The following NEO1 variants were observed in gnomAD, a reference collection of about 807,000 sequenced individuals.
The protein encoded by NEO1 is neogenin.
Under a neutral mutation model 159.7 loss-of-function variants are expected in NEO1, and 63 were observed. The observed-to-expected ratio is 0.39, with a 90% confidence interval of 0.32 to 0.49. The LOEUF (loss-of-function observed/expected upper bound fraction) is 0.49. NEO1 is among the 20% of genes least tolerant of loss of function. The probability of loss-of-function intolerance (pLI) is 0.85; values close to 1 mark genes in which losing one functional copy is unlikely to be tolerated. For synonymous variants in NEO1, 633 were observed against 662.0 expected (o/e 0.96, Z 0.67); for missense variants, 1,615 against 1,831.0 (o/e 0.88, Z 2.15).
intron 7 of NEO1, among the ~76,000 whole-genome samples, chr15:73,218,508 T>C (rs1227772398): frequency 3.9e-5 from 6 of 152,002 alleles, no homozygotes; most frequent in Non-Finnish European, 7.4e-5. Context: ...ATGGTACCAG[T>C]TCCTCCTTGT....
At position 73,270,457 on chromosome 15, in the gene NEO1, A is replaced by G. The variant is rs763720836; in HGVS notation, c.2857+3A>G. On this transcript the variant is annotated splice_donor_region_variant and intron_variant, in intron 18 of 28. Coordinates refer to ENST00000261908, the MANE Select transcript of NEO1 (RefSeq NM_002499.4). The stretch of plus-strand genomic sequence containing the variant: ...CCATGGGACCACCTTTGAATTAGGT[A>G]TGTGTTGTCAGAAGCCATGTCACAT... 4 of 1,607,084 alleles carry G rather than the reference A, an allele frequency of 2.5e-6. No individual in the cohort carries two copies. The highest frequency in any genetic ancestry group is 1.7e-4 in the Middle Eastern group (1 of 6,036).
chr15:73,258,721 T>C, intron 13 of NEO1, 45 bp from the exon 14 acceptor site: 1 of 1,518,118 alleles, frequency 6.6e-7, no homozygotes, highest in Non-Finnish European at 9.1e-7. Context: ...CTTTTGTTTT[T>C]CCAAAGCTCT....
intron 7 of NEO1, among the ~76,000 whole-genome samples, chr15:73,201,465 A>G (rs994574761): frequency 6.6e-6 from 1 of 152,124 alleles, no homozygotes; most frequent in African/African-American, 2.4e-5. Flanking sequence ...GCGTTAAAGT[A>G]TATTTTATGT....
At chr15:73,135,863 C>CTT (rs376822156) in intron 4 of NEO1, 28 bp from the exon 5 acceptor site, 791 of 1,292,676 alleles carry the variant, frequency 6.1e-4, no homozygotes, top group South Asian at 2.3e-3. Context: ...TGAAATGTAT[C>CTT]TTTTTTTTTT....
chr15:73,211,589 C>T (rs1388794265), intron 7 of NEO1, among the ~76,000 whole-genome samples: 2 of 152,168 alleles, frequency 1.3e-5, no homozygotes, highest in Non-Finnish European at 2.9e-5. Context: ...GTGGCACATG[C>T]GTGTATTCCC....
At chr15:73,076,844 T>A (rs1007692597) in intron 1 of NEO1, among the ~76,000 whole-genome samples, 2 of 152,206 alleles carry the variant, frequency 1.3e-5, no homozygotes, top group Admixed American at 1.3e-4. Flanking sequence ...TTCAAGGATT[T>A]AGAAGGATCA....
At chr15:73,215,712 A>G (rs1256552747) in intron 7 of NEO1, among the ~76,000 whole-genome samples, 1 of 152,186 alleles carries the variant, frequency 6.6e-6, no homozygotes, top group Non-Finnish European at 1.5e-5. Flanking sequence ...TTTAGCATCT[A>G]TGCTAATCAA....
intron 13 of NEO1, among the ~76,000 whole-genome samples, chr15:73,257,970 G>A (rs1307168334): frequency 6.6e-6 from 1 of 152,178 alleles, no homozygotes; most frequent in Non-Finnish European, 1.5e-5. Context: ...GGGGCACACA[G>A]ATGTCAGGAT....
At chr15:73,114,267 G>GAGCT (rs1196973857) in intron 1 of NEO1, among the ~76,000 whole-genome samples, 1 of 152,124 alleles carries the variant, frequency 6.6e-6, no homozygotes, top group Non-Finnish European at 1.5e-5. Context: ...CAATGCAGGG[G>GAGCT]AGCTGGAAAT....
rs946432484 is a variant in NEO1, at chr15:73,304,118, C to A, written c.*1422C>A. On this transcript the variant is annotated 3_prime_UTR_variant, in exon 29 of 29. Transcript: ENST00000261908. ...GACAGCGGAAACAGCTGCCCACCCC[C>A]CCCATCCCAGCAGCTCAGCTAAGCC... 23 of 152,196 alleles carry A rather than the reference C, an allele frequency of 1.5e-4. No homozygotes were observed. The highest frequency in any genetic ancestry group is 5.6e-4 in the African/African-American group (23 of 41,436). The allele number at this position is 152,196 out of a possible 1,614,324, so 9.4% of individuals were successfully genotyped here.
At chr15:73,067,452 CTTT>C (rs11330606) in intron 1 of NEO1, among the ~76,000 whole-genome samples, 8 of 137,584 alleles carry the variant, frequency 5.8e-5, no homozygotes, top group Admixed American at 1.5e-4. Flanking sequence ...GCTTTTCTTT[CTTT>C]TTTTTTTTTT....
chr15:73,264,097 GGATCGCTT>G (rs1567638902), intron 15 of NEO1, among the ~76,000 whole-genome samples: 1 of 152,122 alleles, frequency 6.6e-6, no homozygotes, highest in Non-Finnish European at 1.5e-5. Context: ...TGAGATAGGA[GGATCGCTT>G]GATCCCTAGA....
At chr15:73,254,243 G>A (rs1176373532) in intron 12 of NEO1, among the ~76,000 whole-genome samples, 1 of 151,850 alleles carries the variant, frequency 6.6e-6, no homozygotes, top group Non-Finnish European at 1.5e-5. Flanking sequence ...GAGGCAACCA[G>A]CTGTTAATTA....
At chr15:73,159,496 T>G (rs1390962379) in intron 5 of NEO1, among the ~76,000 whole-genome samples, 2 of 152,142 alleles carry the variant, frequency 1.3e-5, no homozygotes, top group Non-Finnish European at 2.9e-5. Context: ...TGAGACAGTT[T>G]AGGTATACAC....
At chr15:73,302,265 TCTCTAAGCGGAAAGC>T (rs371218083) in intron 28 of NEO1, among the ~76,000 whole-genome samples, 99 of 152,322 alleles carry the variant, frequency 6.5e-4, no homozygotes, top group African/African-American at 2.4e-3. Context: ...GGTACAGGAT[TCTCTAAGCGGAAAGC>T]TTGGGGCCCA....
chr15:73,120,842 A>C lies in NEO1; in HGVS notation c.449-1683A>C, dbSNP rs189926242. Among the ~76,000 whole-genome samples, 85 of 152,208 alleles carry C rather than the reference A, an allele frequency of 5.6e-4. 2 individuals carry two copies. The highest frequency in any genetic ancestry group is 8.5e-4 in the Admixed American group (13 of 15,264). ...ATATTTATGACGACATTTTTGGTTC[A>C]CATTTTATTTTGAGATCATTTTAAA... is the stretch of plus-strand genomic sequence containing the variant. On this transcript the variant is annotated intron_variant, in intron 2 of 28. Transcript: ENST00000261908.
At chr15:73,069,102 C>T (rs1304117850) in intron 1 of NEO1, among the ~76,000 whole-genome samples, 2 of 149,214 alleles carry the variant, frequency 1.3e-5, no homozygotes, top group South Asian at 2.1e-4. Context: ...TACAGTCATG[C>T]GTCACCATGG....
intron 9 of NEO1, 123 bp downstream of exon 9, chr15:73,244,621 A>G (rs958248442): frequency 2.7e-6 from 3 of 1,094,364 alleles, no homozygotes; most frequent in East Asian, 2.6e-5. Flanking sequence ...CGGGGTCCTT[A>G]TCAATTAGGG....
chr15:73,290,224 ATTTTTTTTTT>A (rs34114271), intron 25 of NEO1, among the ~76,000 whole-genome samples: 3 of 82,274 alleles, frequency 3.6e-5, no homozygotes, highest in African/African-American at 8.5e-5. Flanking sequence ...ACTGTGTGGA[ATTTTTTTTTT>A]TTTTTTTTTT....
Sources: allele counts gnomAD v4.1 joint callset (sites outside exome capture counted in the v4.1 genomes callset), GRCh38; gene constraint gnomAD v4.1.1; transcripts MANE v1.5; gene names NCBI Gene and HGNC (gene_info 2026-07-23, HGNC 2026-07-21).